The following USH2A variants were observed in gnomAD, a reference collection of about 807,000 sequenced individuals.
USH2A encodes Usher syndrome 2A (autosomal recessive, mild).
A neutral mutation model predicts 538.9 loss-of-function variants in USH2A; 443 were observed. The observed-to-expected ratio is 0.82, with a 90% CI of 0.76 to 0.89. The LOEUF (loss-of-function observed/expected upper bound fraction) is 0.89. USH2A is among the 40% of genes least tolerant of loss of function. USH2A has a pLI of 0.00. For missense variants in USH2A, 6,633 were observed against 6,324.8 expected, an observed-to-expected ratio of 1.05 and a Z score of -1.65; for synonymous variants, 2,413 against 2,273.5, an observed-to-expected ratio of 1.06 and a Z score of -1.75.
intron 58 of USH2A, among the ~76,000 whole-genome samples, chr1:215,744,829 T>G (rs1314185663): frequency 1.3e-5 from 2 of 152,194 alleles, no homozygotes. Flanking sequence ...ATTTGGCAGC[T>G]TAGACTGAGA....
intron 14 of USH2A, among the ~76,000 whole-genome samples, chr1:216,225,245 C>A (rs567367183): frequency 6.6e-6 from 1 of 152,044 alleles, no homozygotes; most frequent in East Asian, 1.9e-4. Context: ...GATTCAAGAA[C>A]GGTATCATTC....
At chr1:215,983,702 T>TC (rs1404782528) in intron 35 of USH2A, among the ~76,000 whole-genome samples, 1 of 152,214 alleles carries the variant, frequency 6.6e-6, no homozygotes, top group African/African-American at 2.4e-5. Flanking sequence ...AGTCAGGGTT[T>TC]CAACAGGAAA....
chr1:216,370,382 A>T (rs1269362469), intron 3 of USH2A, among the ~76,000 whole-genome samples: 2 of 151,148 alleles, frequency 1.3e-5, no homozygotes, highest in African/African-American at 4.9e-5. Flanking sequence ...AAAAGAAAAA[A>T]AGAATAGCTT....
chr1:216,311,322 T>C (rs1006571093), intron 9 of USH2A, among the ~76,000 whole-genome samples: 1 of 152,182 alleles, frequency 6.6e-6, no homozygotes, highest in Non-Finnish European at 1.5e-5. Context: ...AAGCTGGTTG[T>C]TTACCTCAAT....
intron 21 of USH2A, among the ~76,000 whole-genome samples, chr1:216,151,051 A>G (rs1244573139): frequency 6.6e-6 from 1 of 152,060 alleles, no homozygotes; most frequent in Non-Finnish European, 1.5e-5. Context: ...CTCTCCTCCC[A>G]GGCCCTCTTC....
In USH2A at chr1:215,845,968, C is replaced by T; in HGVS notation, c.8911G>A (p.Asp2971Asn). The T allele has an allele frequency of 6.2e-7, 1 of 1,613,742 alleles. No individual in the cohort carries two copies. The highest frequency in any genetic ancestry group is 1.1e-5 in the South Asian group (1 of 91,056). Residue 2971 changes from aspartate (D) to asparagine (N), a missense_variant, in exon 45 of 72, where the codon GAC becomes AAC. By Grantham distance (23) the Asp-to-Asn change is conservative. Transcript: ENST00000307340. ...ACATCTGGCAAGATTTTTAGAGAGT[C>T]GTTTGAGGTAGCAGAACTCCAAAAA... is the stretch of plus-strand genomic sequence containing the variant. Reference protein sequence around the residue: ...TLFWSSATSNDSLKILPDVNS... With the variant: ...TLFWSSATSNNSLKILPDVNS...
At chr1:215,964,767 A>ACAAT (rs748891174) in intron 37 of USH2A, among the ~76,000 whole-genome samples, 17 of 152,168 alleles carry the variant, frequency 1.1e-4, no homozygotes, top group Non-Finnish European at 2.5e-4. Flanking sequence ...TAACTTATTG[A>ACAAT]ATCAGATAGT....
At chr1:215,694,748 A>G (rs1440064740) in intron 61 of USH2A, among the ~76,000 whole-genome samples, 2 of 152,200 alleles carry the variant, frequency 1.3e-5, no homozygotes, top group Non-Finnish European at 2.9e-5. Flanking sequence ...ACTTCCTAAT[A>G]ACATCACATT....
In USH2A at chr1:215,671,036, T is replaced by G. The variant is rs150280500; in HGVS notation, c.14069A>C (p.Tyr4690Ser). The G allele has an allele frequency of 6.2e-7, 1 of 1,614,072 alleles. No individual in the cohort carries two copies. The highest frequency in any genetic ancestry group is 8.5e-7 in the Non-Finnish European group (1 of 1,180,028). Residue 4690 changes from tyrosine to serine, a missense_variant, in exon 64 of 72, where the codon TAT (tyrosine) becomes TCT (serine). Tyr to Ser is a moderately radical substitution (Grantham distance 144). Coordinates refer to ENST00000307340, the MANE Select transcript of USH2A (RefSeq NM_206933.4). ...QPRKSNPVLI[Y>S]NGSSTSFIDS... ...TATAAAAGATGTTGAGCTTCCGTTA[T>G]AGATTAGGACTGGATTGGATTTTCT...
intron 4 of USH2A, among the ~76,000 whole-genome samples, chr1:216,356,315 A>G (rs2038391222): frequency 6.6e-6 from 1 of 152,116 alleles, no homozygotes; most frequent in African/African-American, 2.4e-5. Context: ...AACTTGTTAC[A>G]TTCATAGAAT....
At chr1:216,081,348 G>T (rs1347459755) in intron 26 of USH2A, among the ~76,000 whole-genome samples, 5 of 152,094 alleles carry the variant, frequency 3.3e-5, no homozygotes, top group Non-Finnish European at 7.4e-5. Context: ...TGAGATTCAA[G>T]GTTTCAGCAA....
intron 65 of USH2A, among the ~76,000 whole-genome samples, chr1:215,649,747 A>G (rs983972104): frequency 1.3e-5 from 2 of 152,150 alleles, no homozygotes; most frequent in African/African-American, 4.8e-5. Context: ...GGCCTAAATA[A>G]TGCATAGTGT....
chr1:216,287,212 T>C (rs1016370594), intron 11 of USH2A, among the ~76,000 whole-genome samples: 7 of 152,184 alleles, frequency 4.6e-5, no homozygotes, highest in African/African-American at 1.7e-4. Context: ...ATGATCATAA[T>C]AATTGATGCA....
intron 61 of USH2A, among the ~76,000 whole-genome samples, chr1:215,686,349 C>T (rs576159869): frequency 2.0e-5 from 3 of 152,034 alleles, no homozygotes; most frequent in East Asian, 1.9e-4. Flanking sequence ...TTAATTGAGA[C>T]GTGGCATTTG....
chr1:216,078,151 A>G lies in USH2A; in HGVS notation c.5510T>C (p.Val1837Ala). 1 of 1,613,692 alleles carries G rather than the reference A, an allele frequency of 6.2e-7. No individual in the cohort carries two copies. The highest frequency in any genetic ancestry group is 8.5e-7 in the Non-Finnish European group (1 of 1,179,772). The change falls in exon 27 of 72, where the codon GTT (valine) becomes GCT (alanine). Residue 1837 changes from valine to alanine, a missense_variant. Physicochemically the swap from Val to Ala is moderately conservative, Grantham distance 64 (BLOSUM62 0). Transcript: ENST00000307340. ...TTCCTGTGGGATTCCTCCCACATAA[A>G]CTGGTGAATTCACCACCAGTGGCTG... ...GDQPLVVNSP[V>A]YVGGIPQELL...
At chr1:216,406,421 G>A (rs933157212) in intron 3 of USH2A, among the ~76,000 whole-genome samples, 2 of 152,100 alleles carry the variant, frequency 1.3e-5, no homozygotes, top group African/African-American at 4.8e-5. Context: ...ATACTTTCAT[G>A]GGCATATATT....
chr1:216,207,413 G>A lies in USH2A; in HGVS notation c.3176C>T (p.Pro1059Leu), dbSNP rs547581739. The change falls in exon 16 of 72, where the codon CCG becomes CTG. Residue 1059 changes from proline to leucine, a missense_variant. Pro to Leu is a moderately conservative substitution (Grantham distance 98). Coordinates refer to ENST00000307340, the MANE Select transcript of USH2A (RefSeq NM_206933.4). ...AGAACTTTGAACTTGTCCTCTGGGC[G>A]GAGGTTGCTGGAATGGAGCTAAATT... ...GCSKTPFQQP[P>L]PRGQVQSSSA... 3.8e-5 allele frequency: 62 copies of A among 1,613,978 alleles called. No individual in the cohort carries two copies. In the Middle Eastern group the frequency reaches 5.0e-4, roughly 13 times the overall value.
chr1:215,673,378 T>C (rs958300387), intron 63 of USH2A, among the ~76,000 whole-genome samples: 1 of 152,224 alleles, frequency 6.6e-6, no homozygotes, highest in Non-Finnish European at 1.5e-5. Flanking sequence ...TACTAAATTT[T>C]AAGCATAAAA....
intron 64 of USH2A, among the ~76,000 whole-genome samples, chr1:215,670,604 T>A (rs998835498): frequency 2.0e-5 from 3 of 152,172 alleles, no homozygotes; most frequent in African/African-American, 7.2e-5. Context: ...GCTATTTGAT[T>A]TTATTTTGGT....
Sources: gnomAD v4.1 joint callset for allele counts (sites outside exome capture counted in the v4.1 genomes callset) on GRCh38, gnomAD v4.1.1 for gene constraint, MANE v1.5 for transcripts, NCBI Gene and HGNC (gene_info 2026-07-23, HGNC 2026-07-21) for gene names.